APP: variants seen among roughly 807,000 people sequenced by gnomAD.
APP encodes the protein amyloid-beta precursor protein.
A neutral mutation model predicts 101.4 loss-of-function variants in APP; 31 were observed. The ratio of observed to expected loss-of-function variants is 0.31; its 90% CI spans 0.23 to 0.41. The LOEUF is 0.41. APP is among the 10% of genes least tolerant of loss of function. APP has a pLI of 1.00. For missense variants in APP, 839 were observed against 1,003.7 expected (o/e 0.84, Z 2.22); for synonymous variants, 366 against 364.4 (o/e 1.00, Z -0.05).
intron 6 of APP, 64 bp from the exon 7 acceptor site, chr21:26,000,246 A>G: frequency 5.0e-6 from 8 of 1,592,050 alleles, no homozygotes; most frequent in Non-Finnish European, 6.9e-6. Context: ...CTGTTCATGT[A>G]TACACGTTTA....
chr21:25,955,536 C>A, intron 12 of APP, 91 bp downstream of exon 12: 1 of 1,586,272 alleles, frequency 6.3e-7, no homozygotes, highest in East Asian at 2.3e-5. Context: ...CCTATAGGTG[C>A]TCGGAGAATG....
Position 26,021,844 on chromosome 21 carries a change from A to G in APP, c.861T>C (p.Val287=). The part of the protein sequence containing the change: ...TTTTESVEEV[V]REVCSEQAET... ...TCCAAGCAAATGGTGGATTACCTCG[A>G]ACCACCTCTTCCACAGACTCTGTGG... Residue 287 remains valine, a synonymous_variant, in exon 6 of 18, where the codon GTT becomes GTC. Coordinates refer to ENST00000346798, the MANE Select transcript of APP (RefSeq NM_000484.4). 6.2e-7 allele frequency: 1 copy of G among 1,613,524 alleles called. No individual in the cohort carries two copies. Among genetic ancestry groups the G allele is most frequent in the Admixed American group, 1.7e-5 (1 of 59,998 alleles).
chr21:26,137,011 C>G (rs1292545157), intron 1 of APP, among the ~76,000 whole-genome samples: 3 of 151,738 alleles, frequency 2.0e-5, no homozygotes, highest in Non-Finnish European at 4.4e-5. Context: ...TCTCTGCTCA[C>G]TGCACCTATG....
At chr21:25,932,225 C>A (rs1688359789) in intron 13 of APP, among the ~76,000 whole-genome samples, 1 of 152,258 alleles carries the variant, frequency 6.6e-6, no homozygotes, top group Middle Eastern at 3.4e-3. Flanking sequence ...TTCATCTTTT[C>A]CTGCCGAGAA....
chr21:25,915,890 T>C (rs922745802), intron 13 of APP, among the ~76,000 whole-genome samples: 2 of 152,314 alleles, frequency 1.3e-5, no homozygotes, highest in East Asian at 1.9e-4. Flanking sequence ...GTTAATTATA[T>C]TCATTTTCAG....
chr21:25,941,076 G>C (rs1163729817), intron 13 of APP, among the ~76,000 whole-genome samples: 1 of 152,190 alleles, frequency 6.6e-6, no homozygotes, highest in African/African-American at 2.4e-5. Flanking sequence ...CATGAGATTT[G>C]ATACATACTC....
chr21:26,011,926 C>T (rs775668712), intron 6 of APP, among the ~76,000 whole-genome samples: 13 of 152,058 alleles, frequency 8.5e-5, no homozygotes, highest in Non-Finnish European at 1.6e-4. Context: ...AAGAGGCAAC[C>T]CTACTCTCAT....
chr21:26,163,429 CTTCA>C (rs758720786), intron 1 of APP, among the ~76,000 whole-genome samples: 4 of 152,112 alleles, frequency 2.6e-5, no homozygotes, highest in Non-Finnish European at 4.4e-5. Flanking sequence ...AATCACTGCA[CTTCA>C]TTCATCAGGA....
At chr21:26,042,388 A>C (rs1390587999) in intron 5 of APP, among the ~76,000 whole-genome samples, 1 of 152,188 alleles carries the variant, frequency 6.6e-6, no homozygotes, top group African/African-American at 2.4e-5. Flanking sequence ...CATGTGCATA[A>C]TTTATTACAT....
intron 6 of APP, among the ~76,000 whole-genome samples, chr21:26,008,461 C>T (rs2043635786): frequency 6.6e-6 from 1 of 152,136 alleles, no homozygotes. Flanking sequence ...AGGGGAAGTG[C>T]TTTTTCTTAC....
At chr21:25,986,027 G>C (rs1311314394) in intron 8 of APP, among the ~76,000 whole-genome samples, 1 of 152,200 alleles carries the variant, frequency 6.6e-6, no homozygotes, top group Non-Finnish European at 1.5e-5. Context: ...AGTATGTCCA[G>C]AGAGCTCAAC....
At chr21:25,962,184 T>A (rs1472975373) in intron 11 of APP, among the ~76,000 whole-genome samples, 3 of 152,350 alleles carry the variant, frequency 2.0e-5, no homozygotes, top group East Asian at 1.9e-4. Flanking sequence ...TGACATTTTT[T>A]AATTTGTACT....
At chr21:26,152,058 C>G (rs551611818) in intron 1 of APP, among the ~76,000 whole-genome samples, 1 of 151,870 alleles carries the variant, frequency 6.6e-6, no homozygotes, top group African/African-American at 2.4e-5. Context: ...GGGGGGATCA[C>G]GAGGTCAGGA....
intron 1 of APP, among the ~76,000 whole-genome samples, chr21:26,121,495 C>A (rs2062570216): frequency 6.6e-6 from 1 of 152,044 alleles, no homozygotes; most frequent in African/African-American, 2.4e-5. Context: ...TCAAGCGATT[C>A]TCCTGCCTCA....
intron 1 of APP, 134 bp from the exon 2 acceptor site, chr21:26,112,280 A>T (rs1220065112): frequency 2.3e-6 from 2 of 877,352 alleles, no homozygotes; most frequent in Non-Finnish European, 3.7e-6. Flanking sequence ...GGTCTTCAAC[A>T]CTCCTTTAGA....
chr21:25,996,622 G>A (rs911034815), intron 8 of APP, among the ~76,000 whole-genome samples: 3 of 151,968 alleles, frequency 2.0e-5, no homozygotes, highest in Admixed American at 6.6e-5. Context: ...ATCTAATTAC[G>A]CTTATAATTA....
At chr21:26,013,973 G>A (rs1265057748) in intron 6 of APP, among the ~76,000 whole-genome samples, 2 of 152,188 alleles carry the variant, frequency 1.3e-5, no homozygotes, top group Non-Finnish European at 2.9e-5. Flanking sequence ...TCTATGGTCA[G>A]TGCTGACACT....
chr21:25,888,837 G>A lies in APP; in HGVS notation c.2211+2885C>T, dbSNP rs966957708. ...TTAAAAGGCAACCGGTTATCTGGGA[G>A]GTGAGAGATACCATTTTCCACTCCC... On this transcript the variant is annotated intron_variant, in intron 17 of 17. Transcript: ENST00000346798. Among the ~76,000 whole-genome samples, 6 of 152,350 alleles carry A rather than the reference G, an allele frequency of 3.9e-5. No individual in the cohort carries two copies. In the East Asian group the frequency reaches 9.6e-4, roughly 24 times the overall value.
At chr21:26,109,351 T>C (rs534383878) in intron 2 of APP, among the ~76,000 whole-genome samples, 47 of 152,356 alleles carry the variant, frequency 3.1e-4, no homozygotes, top group South Asian at 1.0e-3. Flanking sequence ...CCTCGAGTGC[T>C]GTCCCGTGAC....
Sources: gnomAD v4.1 joint callset for allele counts (sites outside exome capture counted in the v4.1 genomes callset) on GRCh38, gnomAD v4.1.1 for gene constraint, MANE v1.5 for transcripts, NCBI Gene and HGNC (gene_info 2026-07-23, HGNC 2026-07-21) for gene names.